CNTNAP3: variants seen among roughly 807,000 people sequenced by gnomAD.
The protein encoded by CNTNAP3 is contactin-associated protein-like 3.
Under a neutral mutation model 92.1 loss-of-function variants are expected in CNTNAP3, and 36 were observed. The observed-to-expected ratio is 0.39, with a 90% CI of 0.30 to 0.52. CNTNAP3 has a LOEUF of 0.52. Among genes scored for constraint, CNTNAP3 ranks in the 20% least tolerant of loss-of-function variants. The probability of loss-of-function intolerance (pLI) is 0.76; values close to 1 mark genes in which losing one functional copy is unlikely to be tolerated. For missense variants in CNTNAP3, 534 were observed against 1,069.6 expected, an observed-to-expected ratio of 0.50 and a Z score of 6.98; for synonymous variants, 232 against 422.3, an observed-to-expected ratio of 0.55 and a Z score of 5.53.
At position 39,105,759 on chromosome 9, in the gene CNTNAP3, T is replaced by C. The variant is rs780944257; in HGVS notation, c.2366-1845A>G. On this transcript the variant is annotated intron_variant, in intron 15 of 23. Coordinates refer to ENST00000297668, the MANE Select transcript of CNTNAP3 (RefSeq NM_033655.5). ...TTTTTTAGCAGAGAATGATAGAAAA[T>C]GGTGTTTAGAAGCCGAGATCTGCAG... 9.9e-4 allele frequency among the ~76,000 whole-genome samples: 150 copies of C among 151,882 alleles called. 1 individual carries two copies. The highest frequency in any genetic ancestry group is 1.1e-3 in the Non-Finnish European group (78 of 67,910).
At chr9:39,093,429 C>CAATA (rs1826255895) in intron 18 of CNTNAP3, among the ~76,000 whole-genome samples, 1 of 147,058 alleles carries the variant, frequency 6.8e-6, no homozygotes, top group Non-Finnish European at 1.5e-5. Context: ...AATTCAGTAG[C>CAATA]ATTAAATTCA....
chr9:39,079,164 T>C (rs1825870923), intron 21 of CNTNAP3, among the ~76,000 whole-genome samples: 1 of 152,168 alleles, frequency 6.6e-6, no homozygotes. Flanking sequence ...TGGCTGGCTC[T>C]CTGCAAGTAA....
At chr9:39,089,403 C>CT (rs1272508694) in intron 18 of CNTNAP3, among the ~76,000 whole-genome samples, 1 of 136,166 alleles carries the variant, frequency 7.3e-6, no homozygotes, top group African/African-American at 2.7e-5. Flanking sequence ...GTTTTATTGA[C>CT]TAATATTTCA....
chr9:39,075,059 C>T (rs367602503), intron 23 of CNTNAP3, among the ~76,000 whole-genome samples: 6 of 152,278 alleles, frequency 3.9e-5, no homozygotes, highest in African/African-American at 1.4e-4. Context: ...TGAGCCACCG[C>T]GCCCGGCCGA....
intron 10 of CNTNAP3, among the ~76,000 whole-genome samples, 195 bp downstream of exon 10, chr9:39,149,611 C>T (rs575920507): frequency 1.3e-4 from 20 of 151,980 alleles, no homozygotes; most frequent in African/African-American, 4.1e-4. Context: ...CAGCCTCAGC[C>T]GCATTACAGG....
At chr9:39,086,587 T>C (rs1365722390) in intron 20 of CNTNAP3, 129 bp downstream of exon 20, 2 of 1,256,052 alleles carry the variant, frequency 1.6e-6, no homozygotes, top group Non-Finnish European at 1.1e-6. Flanking sequence ...ATTTGGCTTC[T>C]TCTTGACTTA....
chr9:39,206,638 G>A lies in CNTNAP3; in HGVS notation c.391-13363C>T, dbSNP rs1406475253. ...ACAACCGACTCAGACGGGGTCCGAA[G>A]AAATTCAGATCGGTGAACGGGTGAA... On this transcript the variant is annotated intron_variant, in intron 3 of 23. Coordinates refer to ENST00000297668, the MANE Select transcript of CNTNAP3 (RefSeq NM_033655.5). Among the ~76,000 whole-genome samples the A allele has an allele frequency of 8.8e-5, 2 of 22,752 alleles. 1 individual carries two copies. The highest frequency in any genetic ancestry group is 1.8e-4 in the African/African-American group (2 of 11,170). The allele number at this position is 22,752 out of a possible 152,430, so 14.9% of individuals were successfully genotyped here. A position where few individuals can be genotyped will look rare whatever the true frequency, so the allele number is the denominator to read the frequency against.
In CNTNAP3 at chr9:39,117,110, C is replaced by A. The variant is rs1429927871; in HGVS notation, c.2237+993G>T. On this transcript the variant is annotated intron_variant, in intron 14 of 23. Transcript: ENST00000297668. ...TGGGTTAAGCAATTCTCCTGTCTCA[C>A]CCTCCTGAGCAGCTGGGACTACAGG... 2.0e-5 allele frequency among the ~76,000 whole-genome samples: 3 copies of A among 151,930 alleles called. No individual in the cohort carries two copies. The East Asian group carries it at 5.8e-4, about 29-fold the overall frequency.
rs1385912497 is a variant in CNTNAP3 at position 39,068,195 on chromosome 9, C to T, written c.*5695G>A. ...TGGGCAGATCATGAGATCCAGAGAT[C>T]GAGACCATCCTGGCTAACACGGTGA... On this transcript the variant is annotated 3_prime_UTR_variant, in exon 24 of 24. Transcript: ENST00000297668. Among the ~76,000 whole-genome samples, 3 of 151,946 alleles carry T rather than the reference C, an allele frequency of 2.0e-5. No homozygotes were observed. Among genetic ancestry groups the T allele is most frequent in the Non-Finnish European group, 2.9e-5 (2 of 68,044 alleles).
At chr9:39,139,023 T>TA (rs1821507485) in intron 12 of CNTNAP3, among the ~76,000 whole-genome samples, 1 of 152,194 alleles carries the variant, frequency 6.6e-6, no homozygotes, top group Non-Finnish European at 1.5e-5. Flanking sequence ...TTCAAGCTAT[T>TA]AGAGTAGTTT....
Position 39,103,867 on chromosome 9 carries a change from G to T in CNTNAP3, c.2413C>A (p.His805Asn). The change falls in exon 16 of 24, where the codon CAT becomes AAT. Residue 805 changes from histidine (H) to asparagine (N), a missense_variant. His to Asn is a moderately conservative substitution (Grantham distance 68). Transcript: ENST00000297668. ...AGTTCTCCGTGGAAAGCAGGGAAAT[G>T]AAGGTATGAAGTCTCAGTGTTGAAG... ...ASFNTETSYL[H>N]FPAFHGELTA... is the part of the protein sequence containing the mutation. 6.2e-7 allele frequency: 1 copy of T among 1,611,096 alleles called. No individual in the cohort carries two copies. The highest frequency in any genetic ancestry group is 1.1e-5 in the South Asian group (1 of 90,630).
intron 15 of CNTNAP3, among the ~76,000 whole-genome samples, chr9:39,104,830 G>A (rs1252718841): frequency 5.3e-5 from 8 of 152,092 alleles, no homozygotes; most frequent in South Asian, 2.1e-4. Flanking sequence ...TCAGTGTGTC[G>A]CAGCAGCAGG....
intron 15 of CNTNAP3, among the ~76,000 whole-genome samples, chr9:39,108,236 G>C (rs1826653242): frequency 6.6e-6 from 1 of 151,774 alleles, no homozygotes; most frequent in South Asian, 2.1e-4. Context: ...CCAGACAAGG[G>C]TCCGGGACTC....
At chr9:39,099,118 G>A (rs550047515) in intron 18 of CNTNAP3, among the ~76,000 whole-genome samples, 1 of 152,080 alleles carries the variant, frequency 6.6e-6, no homozygotes. Flanking sequence ...GGGATGCCCG[G>A]CTAATTTTTG....
intron 11 of CNTNAP3, among the ~76,000 whole-genome samples, chr9:39,141,967 C>T (rs1022903441): frequency 1.3e-5 from 2 of 151,962 alleles, no homozygotes; most frequent in African/African-American, 2.4e-5. Context: ...ACAAAATAAC[C>T]TATTCAACTA....
At chr9:39,145,451 A>AG (rs1821676231) in intron 10 of CNTNAP3, among the ~76,000 whole-genome samples, 1 of 143,760 alleles carries the variant, frequency 7.0e-6, no homozygotes, top group South Asian at 2.2e-4. Flanking sequence ...GTAACAGAAG[A>AG]GGGGCCGGGA....
chr9:39,110,885 T>C (rs990285630), intron 14 of CNTNAP3, among the ~76,000 whole-genome samples: 3 of 152,196 alleles, frequency 2.0e-5, no homozygotes, highest in Non-Finnish European at 2.9e-5. Flanking sequence ...AGTCCAGTTA[T>C]GGTTAGAAAC....
At chr9:39,147,213 A>G in intron 10 of CNTNAP3, among the ~76,000 whole-genome samples, 1 of 151,976 alleles carries the variant, frequency 6.6e-6, no homozygotes, top group Non-Finnish European at 1.5e-5. Context: ...TAAATTACCC[A>G]GTCTTGGGTA....
intron 12 of CNTNAP3, among the ~76,000 whole-genome samples, chr9:39,137,185 G>A (rs1326591193): frequency 1.3e-5 from 2 of 151,796 alleles, no homozygotes; most frequent in African/African-American, 4.9e-5. Flanking sequence ...TTTGCGGGGG[G>A]TTGGGTTCAG....
Sources: allele counts gnomAD v4.1 joint callset (sites outside exome capture counted in the v4.1 genomes callset), GRCh38; gene constraint gnomAD v4.1.1; transcripts MANE v1.5; gene names NCBI Gene and HGNC (gene_info 2026-07-23, HGNC 2026-07-21).